SPECC1: variants seen among roughly 807,000 people sequenced by gnomAD.
SPECC1 encodes the protein sperm antigen with calponin homology and coiled-coil domains 1.
Under a neutral mutation model 104.1 loss-of-function variants are expected in SPECC1, and 62 were observed. The ratio of observed to expected loss-of-function variants is 0.60; its 90% CI spans 0.49 to 0.74. The LOEUF (loss-of-function observed/expected upper bound fraction) is 0.74, where lower values mean the gene tolerates loss of function less well. Among genes scored for constraint, SPECC1 ranks in the 30% least tolerant of loss-of-function variants. SPECC1 has a pLI of 0.00. For missense variants in SPECC1, 1,306 were observed against 1,310.5 expected (o/e 1.00, Z 0.05); for synonymous variants, 513 against 501.6 (o/e 1.02, Z -0.30).
At chr17:20,313,070 C>T (rs2041973690) in intron 14 of SPECC1, among the ~76,000 whole-genome samples, 1 of 152,178 alleles carries the variant, frequency 6.6e-6, no homozygotes, top group African/African-American at 2.4e-5. Context: ...TCCAGTGGCA[C>T]AAATTTCAGA....
chr17:20,300,723 G>A (rs1294097755), intron 13 of SPECC1, among the ~76,000 whole-genome samples: 1 of 152,270 alleles, frequency 6.6e-6, no homozygotes, highest in African/African-American at 2.4e-5. Context: ...AGCCGTGGCA[G>A]CATGCAGTGG....
intron 7 of SPECC1, among the ~76,000 whole-genome samples, chr17:20,244,054 TAA>T (rs796283399): frequency 7.0e-6 from 1 of 143,654 alleles, no homozygotes; most frequent in Non-Finnish European, 1.5e-5. Flanking sequence ...CCATCTCTAC[TAA>T]AAAAAAAAAA....
Position 20,216,377 on chromosome 17 carries a change from C to T in SPECC1, c.1863+10465C>T, listed in dbSNP as rs77320951. ...GTCTAATCTAATTCTTTGATCCAAG[C>T]TTGTGAAGTGACAGTGATTCTTTTG... On this transcript the variant is annotated intron_variant, in intron 4 of 14. Transcript: ENST00000395527. Among the ~76,000 whole-genome samples, 448 of 152,296 alleles carry T rather than the reference C, an allele frequency of 2.9e-3. 19 individuals are homozygous for T. The East Asian group carries it at 0.083, about 28-fold the overall frequency.
intron 13 of SPECC1, among the ~76,000 whole-genome samples, chr17:20,302,747 A>ATGC (rs1325467078): frequency 1.2e-5 from 1 of 85,546 alleles, no homozygotes; most frequent in Admixed American, 1.3e-4. Context: ...AAGAAACAGC[A>ATGC]TGCAGCACAC....
rs999754721 is a variant in SPECC1 at position 20,146,842 on chromosome 17, G to A, written c.283+36280G>A. On this transcript the variant is annotated intron_variant, in intron 3 of 14. Coordinates refer to ENST00000395527, the MANE Select transcript of SPECC1 (RefSeq NM_001243439.2). ...AATTGCTTGAACCCAGGAGGTGGAAGTTGCAGTGAGCTGAGATTGCACCAC... is the reference window on the plus strand; with the variant it reads ...AATTGCTTGAACCCAGGAGGTGGAAATTGCAGTGAGCTGAGATTGCACCAC... Among the ~76,000 whole-genome samples, 3 of 152,080 alleles carry A rather than the reference G, an allele frequency of 2.0e-5. No individual in the cohort carries two copies. The South Asian group carries it at 6.2e-4, about 31-fold the overall frequency.
intron 13 of SPECC1, among the ~76,000 whole-genome samples, chr17:20,301,691 AT>A (rs1188941237): frequency 6.6e-6 from 1 of 151,982 alleles, no homozygotes; most frequent in Non-Finnish European, 1.5e-5. Flanking sequence ...TCCATGAAAG[AT>A]TTTGTCATTT....
chr17:20,183,570 T>G (rs2035055820), intron 3 of SPECC1, among the ~76,000 whole-genome samples: 2 of 152,182 alleles, frequency 1.3e-5, no homozygotes, highest in Admixed American at 6.5e-5. Context: ...CACAGATAAC[T>G]CAAGTCCCTG....
intron 3 of SPECC1, among the ~76,000 whole-genome samples, chr17:20,140,998 C>T (rs781767514): frequency 1.1e-4 from 17 of 152,198 alleles, no homozygotes; most frequent in Admixed American, 3.9e-4. Context: ...TGAACAACGA[C>T]GGGGCCTGCT....
intron 4 of SPECC1, among the ~76,000 whole-genome samples, chr17:20,209,378 A>G (rs1478620105): frequency 1.3e-5 from 2 of 152,214 alleles, no homozygotes; most frequent in Non-Finnish European, 1.5e-5. Flanking sequence ...ATGATCTAAT[A>G]GATTCCGTAA....
chr17:20,161,558 A>G (rs1369666125), intron 3 of SPECC1, among the ~76,000 whole-genome samples: 2 of 152,212 alleles, frequency 1.3e-5, no homozygotes, highest in African/African-American at 4.8e-5. Context: ...GTTTAGATTT[A>G]TAGAGAAGAC....
chr17:20,058,901 G>A (rs1338379661), intron 1 of SPECC1, among the ~76,000 whole-genome samples: 2 of 144,948 alleles, frequency 1.4e-5, no homozygotes, highest in East Asian at 2.0e-4. Flanking sequence ...GTGCAGTGGC[G>A]TGATCTCGGC....
intron 2 of SPECC1, among the ~76,000 whole-genome samples, chr17:20,101,923 G>A (rs1271467910): frequency 6.6e-6 from 1 of 152,192 alleles, no homozygotes; most frequent in Admixed American, 6.5e-5. Flanking sequence ...CATCTTTGTG[G>A]AATTGAGAGG....
Position 20,096,659 on chromosome 17 carries a change from G to C in SPECC1, c.8G>C (p.Ser3Thr). 6.2e-7 allele frequency: 1 copy of C among 1,612,646 alleles called. No homozygotes were observed. The highest frequency in any genetic ancestry group is 8.5e-7 in the Non-Finnish European group (1 of 1,178,964). ...AGACCCACGAAGTCAAGCATGCGGA[G>C]TGCAGCCAAGCCCTGGAACCCAGCC... MR[S>T]AAKPWNPAIR... is the part of the protein sequence containing the mutation. Residue 3 changes from serine (S) to threonine (T), a missense_variant, in exon 2 of 15, where the codon AGT becomes ACT. This residue lies in a region of SPECC1 where 1,177 missense variants were observed against 1,139.9 expected (regional missense o/e 1.03). Transcript: ENST00000395527.
intron 3 of SPECC1, among the ~76,000 whole-genome samples, chr17:20,188,901 C>G (rs1479855482): frequency 6.6e-6 from 1 of 152,156 alleles, no homozygotes; most frequent in Non-Finnish European, 1.5e-5. Flanking sequence ...ATTTTGCGTG[C>G]CCAGTCCATC....
intron 12 of SPECC1, among the ~76,000 whole-genome samples, chr17:20,295,377 C>T (rs945189927): frequency 5.3e-5 from 8 of 152,046 alleles, no homozygotes; most frequent in East Asian, 1.9e-4. Context: ...GTATAGTATT[C>T]GATGGTGTAC....
chr17:20,155,819 C>T (rs2032420248), intron 3 of SPECC1: 1 of 695,404 alleles, frequency 1.4e-6, no homozygotes, highest in Non-Finnish European at 1.8e-6. Context: ...GCCGGTCAGC[C>T]GGTGCGTCCC....
intron 3 of SPECC1, among the ~76,000 whole-genome samples, chr17:20,153,068 T>C (rs1358741902): frequency 2.0e-5 from 3 of 152,176 alleles, no homozygotes; most frequent in Non-Finnish European, 4.4e-5. Flanking sequence ...CCAAATACTA[T>C]CACATTGTGG....
chr17:20,236,837 C>T (rs775396435), intron 7 of SPECC1: 10 of 1,613,684 alleles, frequency 6.2e-6, no homozygotes, highest in Middle Eastern at 1.6e-4. Flanking sequence ...TACAGCCTCT[C>T]CCTCCCGTTT....
intron 1 of SPECC1, among the ~76,000 whole-genome samples, chr17:20,061,141 G>T (rs1051881527): frequency 6.6e-6 from 1 of 152,044 alleles, no homozygotes. Flanking sequence ...GCGCGATCTC[G>T]GCTCACTGCA....
Sources: allele counts gnomAD v4.1 joint callset (sites outside exome capture counted in the v4.1 genomes callset), GRCh38; gene constraint gnomAD v4.1.1; regional missense constraint gnomAD v4.1.1; transcripts MANE v1.5; gene names NCBI Gene and HGNC (gene_info 2026-07-23, HGNC 2026-07-21).